TRPC4: variants seen among roughly 807,000 people sequenced by gnomAD.
The protein encoded by TRPC4 is short transient receptor potential channel 4.
A neutral mutation model predicts 99.4 loss-of-function variants in TRPC4; 49 were observed. The ratio of observed to expected loss-of-function variants is 0.49; its 90% CI spans 0.39 to 0.63. The LOEUF (loss-of-function observed/expected upper bound fraction) is 0.63, where lower values mean the gene tolerates loss of function less well. TRPC4 is among the 20% of genes least tolerant of loss of function. TRPC4 has a pLI of 0.00. For synonymous variants in TRPC4, 454 were observed against 425.9 expected, an observed-to-expected ratio of 1.07 and a Z score of -0.81; for missense variants, 898 against 1,152.9, an observed-to-expected ratio of 0.78 and a Z score of 3.20.
intron 7 of TRPC4, among the ~76,000 whole-genome samples, 154 bp from the exon 8 acceptor site, chr13:37,651,613 A>T (rs1952046129): frequency 6.6e-6 from 1 of 152,186 alleles, no homozygotes; most frequent in South Asian, 2.1e-4. Flanking sequence ...ACAGTCATCT[A>T]AACATTTCAG....
intron 1 of TRPC4, among the ~76,000 whole-genome samples, chr13:37,828,901 C>T (rs1224737866): frequency 1.3e-5 from 2 of 152,154 alleles, no homozygotes; most frequent in Non-Finnish European, 2.9e-5. Flanking sequence ...ATTACCTGTA[C>T]ATCAGACTCA....
intron 2 of TRPC4, among the ~76,000 whole-genome samples, chr13:37,777,171 T>G (rs749554929): frequency 1.3e-5 from 2 of 151,986 alleles, no homozygotes; most frequent in Non-Finnish European, 2.9e-5. Context: ...GGGTTTCTGT[T>G]TCCAATTGTA....
intron 3 of TRPC4, among the ~76,000 whole-genome samples, chr13:37,733,032 G>A (rs1393508789): frequency 6.6e-6 from 1 of 152,132 alleles, no homozygotes; most frequent in Admixed American, 6.5e-5. Context: ...CAACATTTTG[G>A]GATGCCAAGG....
intron 8 of TRPC4, among the ~76,000 whole-genome samples, chr13:37,647,145 A>G (rs148485648): frequency 1.3e-5 from 2 of 152,308 alleles, no homozygotes; most frequent in East Asian, 1.9e-4. Flanking sequence ...AGAGTGGCCA[A>G]TGTAGCAACC....
chr13:37,738,945 T>C (rs868234411), intron 3 of TRPC4, among the ~76,000 whole-genome samples: 22 of 152,240 alleles, frequency 1.4e-4, no homozygotes, highest in African/African-American at 4.1e-4. Context: ...GGATTTTCAA[T>C]TGTATAACTG....
At chr13:37,757,055 A>C (rs1403461351) in intron 2 of TRPC4, among the ~76,000 whole-genome samples, 3 of 142,626 alleles carry the variant, frequency 2.1e-5, no homozygotes, top group African/African-American at 7.7e-5. Flanking sequence ...ATAGTATTAT[A>C]CATAAAAATA....
At chr13:37,711,138 G>T (rs1472893933) in intron 3 of TRPC4, among the ~76,000 whole-genome samples, 1 of 151,880 alleles carries the variant, frequency 6.6e-6, no homozygotes, top group Non-Finnish European at 1.5e-5. Context: ...TAAAATATTT[G>T]TGTTTTTATA....
intron 1 of TRPC4, among the ~76,000 whole-genome samples, chr13:37,868,294 T>TC (rs1054632991): frequency 1.3e-5 from 2 of 151,584 alleles, no homozygotes; most frequent in Middle Eastern, 3.2e-3. Context: ...TCTTATTGTT[T>TC]TTTTTCCCCC....
Position 37,783,183 on chromosome 13 carries a change from AT to A in TRPC4, c.150del (p.Lys50AsnfsTer3), listed in dbSNP as rs1956886880. 6.2e-7 allele frequency: 1 copy of A among 1,613,514 alleles called. No homozygotes were observed. Among genetic ancestry groups the A allele is most frequent in the South Asian group, 1.1e-5 (1 of 91,076 alleles). On this transcript the variant is annotated frameshift_variant, in exon 2 of 11. Coordinates refer to ENST00000379705, the MANE Select transcript of TRPC4 (RefSeq NM_016179.4). LOFTEE classifies it high-confidence loss of function. The part of the protein sequence containing the change: ...VEKGDYASVK[K>X]SLEEAEIYFK... ...AAATAAATTTCAGCTTCCTCTAGGG[AT>A]TTCTTGACACTGGCATAATCTCCCT...
At chr13:37,826,578 C>A (rs552182171) in intron 1 of TRPC4, among the ~76,000 whole-genome samples, 1 of 151,992 alleles carries the variant, frequency 6.6e-6, no homozygotes, top group Non-Finnish European at 1.5e-5. Flanking sequence ...AAATTCTTCT[C>A]TTTAAGAATG....
intron 7 of TRPC4, among the ~76,000 whole-genome samples, 181 bp downstream of exon 7, chr13:37,654,907 A>G (rs1692578990): frequency 6.6e-6 from 1 of 152,208 alleles, no homozygotes; most frequent in African/African-American, 2.4e-5. Context: ...AAATCAGATT[A>G]ATTTATAGCT....
chr13:37,730,608 G>C (rs1328738213), intron 3 of TRPC4, among the ~76,000 whole-genome samples: 1 of 151,478 alleles, frequency 6.6e-6, no homozygotes, highest in African/African-American at 2.4e-5. Context: ...CACACACACA[G>C]ATTCATTTTA....
At chr13:37,728,050 G>A (rs1040944675) in intron 3 of TRPC4, among the ~76,000 whole-genome samples, 9 of 151,914 alleles carry the variant, frequency 5.9e-5, no homozygotes, top group Non-Finnish European at 1.2e-4. Context: ...TTGCAACAAA[G>A]TAAATCCACA....
chr13:37,747,139 A>G (rs1401994410), intron 2 of TRPC4, among the ~76,000 whole-genome samples: 1 of 152,158 alleles, frequency 6.6e-6, no homozygotes, highest in East Asian at 1.9e-4. Context: ...ATTCCACTGA[A>G]TCAGGTCACC....
intron 1 of TRPC4, among the ~76,000 whole-genome samples, chr13:37,837,189 C>T (rs1433418037): frequency 6.6e-6 from 1 of 152,272 alleles, no homozygotes; most frequent in African/African-American, 2.4e-5. Flanking sequence ...GCAGGGCCCT[C>T]ATAGAGAACC....
At chr13:37,686,884 C>T (rs1953499964) in intron 4 of TRPC4, among the ~76,000 whole-genome samples, 1 of 152,184 alleles carries the variant, frequency 6.6e-6, no homozygotes, top group South Asian at 2.1e-4. Flanking sequence ...GTCGCTTCAG[C>T]AGCCATTTTG....
chr13:37,670,449 T>C (rs1952801135), intron 5 of TRPC4, among the ~76,000 whole-genome samples: 1 of 152,178 alleles, frequency 6.6e-6, no homozygotes, highest in South Asian at 2.1e-4. Context: ...GTAGAACCTA[T>C]ACAATCCTAG....
chr13:37,859,014 C>T (rs570126600), intron 1 of TRPC4, among the ~76,000 whole-genome samples: 8 of 151,422 alleles, frequency 5.3e-5, no homozygotes, highest in South Asian at 2.1e-4. Context: ...TTACTGACTG[C>T]GTGCCTGCAT....
rs768598129 is a variant in TRPC4 at position 37,754,820 on chromosome 13, T to G, written c.379-8365A>C. Among the ~76,000 whole-genome samples, 135 of 152,282 alleles carry G rather than the reference T, an allele frequency of 8.9e-4. 1 individual carries two copies. The highest frequency in any genetic ancestry group is 3.9e-3 in the Admixed American group (60 of 15,284). Reference sequence around the variant, plus strand: ...TGAATTATTTTGATAACACACAGCATTAAATGTTATTGACATATACAAGCA... The same window carrying G: ...TGAATTATTTTGATAACACACAGCAGTAAATGTTATTGACATATACAAGCA... On this transcript the variant is annotated intron_variant, in intron 2 of 10. Transcript: ENST00000379705.
Sources: allele counts gnomAD v4.1 joint callset (sites outside exome capture counted in the v4.1 genomes callset), GRCh38; gene constraint gnomAD v4.1.1; transcripts MANE v1.5; gene names NCBI Gene and HGNC (gene_info 2026-07-23, HGNC 2026-07-21).